GLI2: variants seen among roughly 807,000 people sequenced by gnomAD.
GLI2 encodes transcription activator GLI2.
Under a neutral mutation model 78.9 loss-of-function variants are expected in GLI2, and 22 were observed. That is an observed-to-expected ratio of 0.28 (90% CI 0.20 to 0.40). GLI2 has a LOEUF of 0.40. Ranked by LOEUF, GLI2 falls within the 10% of genes least tolerant of loss-of-function variation. GLI2 has a pLI of 1.00. For missense variants in GLI2, 2,097 were observed against 2,213.2 expected, an observed-to-expected ratio of 0.95 and a Z score of 1.05; for synonymous variants, 974 against 963.7, an observed-to-expected ratio of 1.01 and a Z score of -0.20.
intron 2 of GLI2, among the ~76,000 whole-genome samples, chr2:120,888,288 G>A (rs186042659): frequency 2.6e-5 from 4 of 152,324 alleles, no homozygotes; most frequent in Non-Finnish European, 4.4e-5. Context: ...TTGCTTTCTC[G>A]TTTGGCAAGG....
chr2:120,916,775 G>T (rs1254649776), intron 2 of GLI2, among the ~76,000 whole-genome samples: 1 of 152,214 alleles, frequency 6.6e-6, no homozygotes, highest in Non-Finnish European at 1.5e-5. Context: ...CTCCGCCGTG[G>T]ATTCCAGAGA....
intron 2 of GLI2, among the ~76,000 whole-genome samples, chr2:120,926,764 G>A (rs888894688): frequency 4.6e-5 from 7 of 152,206 alleles, no homozygotes; most frequent in Non-Finnish European, 7.3e-5. Context: ...ACCCGACAGC[G>A]TTTAGGGGTC....
At chr2:120,909,693 G>T (rs1180754195) in intron 2 of GLI2, among the ~76,000 whole-genome samples, 1 of 152,062 alleles carries the variant, frequency 6.6e-6, no homozygotes, top group African/African-American at 2.4e-5. Flanking sequence ...GTGAAACCCT[G>T]TCTCTACTAA....
At chr2:120,961,038 A>T (rs1237296343) in intron 5 of GLI2, among the ~76,000 whole-genome samples, 1 of 152,186 alleles carries the variant, frequency 6.6e-6, no homozygotes, top group Non-Finnish European at 1.5e-5. Flanking sequence ...GGGCCCTAAA[A>T]TGGAATTTTC....
At chr2:120,918,514 C>T (rs1679210947) in intron 2 of GLI2, among the ~76,000 whole-genome samples, 1 of 150,160 alleles carries the variant, frequency 6.7e-6, no homozygotes, top group Non-Finnish European at 1.5e-5. Flanking sequence ...AATCTCAGCT[C>T]ACTGCAACCT....
chr2:120,903,665 A>T (rs1678372992), intron 2 of GLI2, among the ~76,000 whole-genome samples: 2 of 152,208 alleles, frequency 1.3e-5, no homozygotes, highest in Admixed American at 1.3e-4. Context: ...CAGAGCGGGT[A>T]CTGTGCAAGG....
At chr2:120,750,005 G>C (rs1489104060) in intron 1 of GLI2, among the ~76,000 whole-genome samples, 1 of 152,224 alleles carries the variant, frequency 6.6e-6, no homozygotes, top group African/African-American at 2.4e-5. Context: ...CAACGTCACA[G>C]CTCCCTCTCC....
At chr2:120,931,904 C>T (rs539187419) in intron 3 of GLI2, among the ~76,000 whole-genome samples, 1 of 152,290 alleles carries the variant, frequency 6.6e-6, no homozygotes, top group Non-Finnish European at 1.5e-5. Flanking sequence ...CCCGTCCCTA[C>T]GCGGTCCTGC....
At chr2:120,943,533 C>T (rs1680563969) in intron 3 of GLI2, among the ~76,000 whole-genome samples, 1 of 152,212 alleles carries the variant, frequency 6.6e-6, no homozygotes, top group Admixed American at 6.5e-5. Context: ...TTCTCTTCAT[C>T]AGCAACAGCT....
chr2:120,778,607 C>G (rs573398152), intron 1 of GLI2, among the ~76,000 whole-genome samples: 1 of 152,090 alleles, frequency 6.6e-6, no homozygotes, highest in Admixed American at 6.5e-5. Context: ...TGGGGTGAGA[C>G]GGGGTGAAGT....
At chr2:120,983,614 G>A (rs1573727466) in intron 11 of GLI2, among the ~76,000 whole-genome samples, 1 of 152,210 alleles carries the variant, frequency 6.6e-6, no homozygotes, top group Non-Finnish European at 1.5e-5. Context: ...ATGGGGCACA[G>A]AGCAGCCTCT....
chr2:120,742,110 G>T (rs1682565782), intron 1 of GLI2, among the ~76,000 whole-genome samples: 1 of 152,228 alleles, frequency 6.6e-6, no homozygotes, highest in Non-Finnish European at 1.5e-5. Context: ...GAAGAGAGAG[G>T]CCCCGTGACC....
In GLI2 at chr2:120,988,190, C is replaced by T. The variant is rs781517062; in HGVS notation, c.2243-18C>T. ...CACCCACCCTTGTCCCGGTGCTGAC[C>T]CCTCTGCTCTCCCGCAGGCTCCATC... On this transcript the variant is annotated intron_variant, in intron 13 of 13. Coordinates refer to ENST00000361492, the MANE Select transcript of GLI2 (RefSeq NM_001374353.1). The T allele has an allele frequency of 3.8e-6, 6 of 1,581,648 alleles. No individual in the cohort carries two copies. In the East Asian group the frequency reaches 1.2e-4, roughly 31 times the overall value.
chr2:120,821,547 A>C, intron 2 of GLI2, among the ~76,000 whole-genome samples: 1 of 152,138 alleles, frequency 6.6e-6, no homozygotes, highest in South Asian at 2.1e-4. Flanking sequence ...CGTGAGGATG[A>C]GGAAGAGAGA....
chr2:120,740,687 C>T (rs1682507066), intron 1 of GLI2, among the ~76,000 whole-genome samples: 1 of 152,214 alleles, frequency 6.6e-6, no homozygotes, highest in South Asian at 2.1e-4. Context: ...TGGCCTTTTT[C>T]ACACGTTCAC....
chr2:120,780,965 AG>A (rs1042527062), intron 1 of GLI2, among the ~76,000 whole-genome samples: 1 of 152,230 alleles, frequency 6.6e-6, no homozygotes, highest in Admixed American at 6.5e-5. Context: ...TGGGGCTGTG[AG>A]CTGGCTCACC....
chr2:120,914,693 G>A (rs958633360), intron 2 of GLI2, among the ~76,000 whole-genome samples: 5 of 152,200 alleles, frequency 3.3e-5, no homozygotes, highest in African/African-American at 1.2e-4. Flanking sequence ...GCCCAGCAGA[G>A]GGGTCTGTAG....
intron 1 of GLI2, among the ~76,000 whole-genome samples, chr2:120,794,442 T>C (rs1051921020): frequency 2.0e-5 from 3 of 152,022 alleles, no homozygotes; most frequent in East Asian, 1.9e-4. Context: ...TGGAGTGATA[T>C]GTGGTTTCTG....
intron 2 of GLI2, among the ~76,000 whole-genome samples, chr2:120,926,205 G>A (rs1228098508): frequency 6.7e-6 from 1 of 149,316 alleles, no homozygotes; most frequent in African/African-American, 2.5e-5. Flanking sequence ...ACAGTTAGTA[G>A]CATTATTTTT....
Sources: gnomAD v4.1 joint callset for allele counts (sites outside exome capture counted in the v4.1 genomes callset) on GRCh38, gnomAD v4.1.1 for gene constraint, MANE v1.5 for transcripts, NCBI Gene and HGNC (gene_info 2026-07-23, HGNC 2026-07-21) for gene names.